Variants in KCNC2 observed in about 807,000 individuals in gnomAD.
KCNC2 encodes voltage-gated potassium channel KCNC2.
KCNC2 carries 21 observed loss-of-function variants against 44.5 expected under a neutral mutation model. The observed-to-expected ratio is 0.47, with a 90% CI of 0.33 to 0.68. The LOEUF (loss-of-function observed/expected upper bound fraction) is 0.68, where lower values mean the gene tolerates loss of function less well. Among genes scored for constraint, KCNC2 ranks in the 30% least tolerant of loss-of-function variants. The pLI, the probability that KCNC2 is intolerant of heterozygous loss-of-function variation, is 0.01. For synonymous variants in KCNC2, 391 were observed against 339.1 expected (o/e 1.15, Z -1.68); for missense variants, 589 against 826.2 (o/e 0.71, Z 3.52).
intron 1 of KCNC2, 72 bp downstream of exon 1, chr12:75,209,135 T>C (rs2031949063): frequency 1.3e-5 from 2 of 152,494 alleles, no homozygotes; most frequent in African/African-American, 2.4e-5. Context: ...GGGGGGATGC[T>C]GGCCTGCAGG....
intron 2 of KCNC2, among the ~76,000 whole-genome samples, chr12:75,177,380 T>A (rs1027559818): frequency 2.0e-4 from 31 of 152,132 alleles, no homozygotes; most frequent in African/African-American, 7.5e-4. Flanking sequence ...AAGGTACATT[T>A]TTCTAGGAAT....
At chr12:75,055,877 T>G (rs977001253) in intron 2 of KCNC2, among the ~76,000 whole-genome samples, 2 of 151,966 alleles carry the variant, frequency 1.3e-5, no homozygotes, top group African/African-American at 4.8e-5. Flanking sequence ...TGATGAAAAG[T>G]GGGGTATATT....
At chr12:75,066,244 TA>T (rs1809185412) in intron 2 of KCNC2, among the ~76,000 whole-genome samples, 2 of 152,114 alleles carry the variant, frequency 1.3e-5, no homozygotes, top group African/African-American at 2.4e-5. Context: ...CAAATTTTAT[TA>T]TATCATTTCT....
intron 2 of KCNC2, among the ~76,000 whole-genome samples, chr12:75,195,304 A>C (rs1372615522): frequency 1.3e-5 from 2 of 152,178 alleles, no homozygotes; most frequent in Non-Finnish European, 2.9e-5. Context: ...TTTCATAACC[A>C]TAAAACCTAT....
chr12:75,163,319 G>C (rs73355655), intron 2 of KCNC2, among the ~76,000 whole-genome samples: 5 of 151,812 alleles, frequency 3.3e-5, no homozygotes, highest in African/African-American at 9.6e-5. Context: ...GATTGATTAG[G>C]TTATCTCCAG....
chr12:75,153,393 A>C (rs1214392301), intron 2 of KCNC2, among the ~76,000 whole-genome samples: 4 of 151,956 alleles, frequency 2.6e-5, no homozygotes, highest in Non-Finnish European at 5.9e-5. Flanking sequence ...GCATATTCGG[A>C]CTTGTAAGTG....
chr12:75,117,037 T>A (rs1887708979), intron 2 of KCNC2, among the ~76,000 whole-genome samples: 1 of 152,112 alleles, frequency 6.6e-6, no homozygotes, highest in African/African-American at 2.4e-5. Flanking sequence ...TGGGCACAGT[T>A]ACTCCCTGAC....
intron 2 of KCNC2, among the ~76,000 whole-genome samples, chr12:75,109,385 A>C (rs989630785): frequency 6.6e-6 from 1 of 152,146 alleles, no homozygotes; most frequent in South Asian, 2.1e-4. Flanking sequence ...AAGGGGCCTG[A>C]AGTGATTATT....
intron 2 of KCNC2, among the ~76,000 whole-genome samples, chr12:75,196,252 T>C (rs1410717303): frequency 6.6e-6 from 1 of 152,142 alleles, no homozygotes; most frequent in Non-Finnish European, 1.5e-5. Context: ...ATTTATAGTA[T>C]GTATATTGGA....
intron 2 of KCNC2, among the ~76,000 whole-genome samples, chr12:75,173,356 G>C (rs1044699884): frequency 5.3e-5 from 8 of 151,964 alleles, no homozygotes; most frequent in African/African-American, 1.7e-4. Flanking sequence ...CTAATCTAAA[G>C]ATACAATTGA....
At chr12:75,206,281 A>G (rs1475511385) in intron 2 of KCNC2, among the ~76,000 whole-genome samples, 2 of 152,224 alleles carry the variant, frequency 1.3e-5, no homozygotes, top group African/African-American at 4.8e-5. Flanking sequence ...ATTTAACTGA[A>G]TACAGTACTT....
At chr12:75,179,896 T>C (rs1892463892) in intron 2 of KCNC2, among the ~76,000 whole-genome samples, 1 of 151,732 alleles carries the variant, frequency 6.6e-6, no homozygotes, top group African/African-American at 2.4e-5. Flanking sequence ...TAGCATTCCG[T>C]ACAATTCTAA....
chr12:75,060,370 A>T (rs1032661501), intron 2 of KCNC2, among the ~76,000 whole-genome samples: 7 of 151,858 alleles, frequency 4.6e-5, no homozygotes, highest in Admixed American at 1.3e-4. Flanking sequence ...GGGAATAAGC[A>T]CTCTTTTAGG....
intron 2 of KCNC2, among the ~76,000 whole-genome samples, chr12:75,127,953 T>G (rs1371622942): frequency 6.6e-6 from 1 of 152,146 alleles, no homozygotes; most frequent in Non-Finnish European, 1.5e-5. Flanking sequence ...TGAATCTACT[T>G]TTCTTATTAT....
At chr12:75,184,638 G>A (rs928523716) in intron 2 of KCNC2, among the ~76,000 whole-genome samples, 7 of 151,862 alleles carry the variant, frequency 4.6e-5, no homozygotes, top group African/African-American at 1.7e-4. Context: ...ACCTTATGTT[G>A]CTTGATAAAA....
chr12:75,168,119 G>A (rs1456785828), intron 2 of KCNC2, among the ~76,000 whole-genome samples: 2 of 150,916 alleles, frequency 1.3e-5, no homozygotes, highest in Non-Finnish European at 3.0e-5. Context: ...AAAAATAAAC[G>A]CAACTTTTTA....
intron 2 of KCNC2, among the ~76,000 whole-genome samples, chr12:75,109,690 T>C (rs1887070533): frequency 6.6e-6 from 1 of 152,048 alleles, no homozygotes; most frequent in Non-Finnish European, 1.5e-5. Context: ...CCTGCTTGTC[T>C]AGCATATACA....
chr12:75,151,696 G>A (rs1037466356), intron 2 of KCNC2, among the ~76,000 whole-genome samples: 4 of 151,338 alleles, frequency 2.6e-5, no homozygotes, highest in African/African-American at 9.7e-5. Flanking sequence ...TACATTTAAA[G>A]CAATTAGATC....
intron 2 of KCNC2, among the ~76,000 whole-genome samples, chr12:75,114,390 A>T (rs1887485968): frequency 6.6e-6 from 1 of 152,182 alleles, no homozygotes; most frequent in Non-Finnish European, 1.5e-5. Context: ...TGCAGGCATT[A>T]TTCATTTACT....
Sources: allele counts gnomAD v4.1 joint callset (sites outside exome capture counted in the v4.1 genomes callset), GRCh38; gene constraint gnomAD v4.1.1; transcripts MANE v1.5; gene names NCBI Gene and HGNC (gene_info 2026-07-23, HGNC 2026-07-21).